The following RRP7A variants were observed in gnomAD, a reference collection of about 807,000 sequenced individuals.
RRP7A encodes the protein ribosomal RNA processing 7 homolog A.
A neutral mutation model predicts 38.4 loss-of-function variants in RRP7A; 27 were observed. The ratio of observed to expected loss-of-function variants is 0.70; its 90% CI spans 0.52 to 0.97. The LOEUF is 0.97. Ranked by LOEUF, RRP7A falls within the 50% of genes least tolerant of loss-of-function variation. The pLI is 0.00. For missense variants in RRP7A, 327 were observed against 375.4 expected, an observed-to-expected ratio of 0.87 and a Z score of 1.07; for synonymous variants, 124 against 150.3, an observed-to-expected ratio of 0.83 and a Z score of 1.28.
At chr22:42,515,690 A>G (rs1330005942) in intron 3 of RRP7A, among the ~76,000 whole-genome samples, 2 of 152,074 alleles carry the variant, frequency 1.3e-5, no homozygotes, top group African/African-American at 4.8e-5. Context: ...GCTCCTGGAG[A>G]CCCGGCCCCC....
chr22:42,517,289 TTAAATAAA>T (rs3046334), intron 2 of RRP7A, among the ~76,000 whole-genome samples: 4 of 131,654 alleles, frequency 3.0e-5, no homozygotes, highest in African/African-American at 8.6e-5. Context: ...AATAAATAAA[TTAAATAAA>T]TAAATAAATA....
At chr22:42,514,035 A>G (rs904412775) in intron 6 of RRP7A, 71 bp downstream of exon 6, 7 of 1,398,394 alleles carry the variant, frequency 5.0e-6, no homozygotes, top group Admixed American at 3.9e-5. Flanking sequence ...CCTCAGGAGC[A>G]CTGGCCACAG....
In RRP7A at chr22:42,512,988, C is replaced by T. The variant is rs750075831; in HGVS notation, c.765G>A (p.Ala255=). 18 of 1,612,460 alleles carry T rather than the reference C, an allele frequency of 1.1e-5. 1 individual carries two copies. Among genetic ancestry groups the T allele is most frequent in the Middle Eastern group, 1.7e-4 (1 of 6,002 alleles). ...CCTCCTCGAACTTCTTGCGCAGCTG[C>T]GCTAGATCTGGGGGTGAGAGGAGGC... ...QHRESKMEHL[A]QLRKKFEEDK... is the part of the protein sequence containing the mutation. Residue 255 remains alanine, a synonymous_variant, in exon 7 of 7, where the codon GCG becomes GCA. Transcript: ENST00000323013.
rs183864144 is a variant in RRP7A, at chr22:42,510,435, G to A, written c.*2475C>T. 2.0e-3 allele frequency: 554 copies of A among 282,000 alleles called. 8 individuals carry two copies. Among genetic ancestry groups the A allele is most frequent in the African/African-American group, 0.012 (526 of 44,990 alleles). The allele number at this position is 282,000 out of a possible 1,614,324, so 17.5% of individuals were successfully genotyped here. A position where few individuals can be genotyped will look rare whatever the true frequency, so the allele number is the denominator to read the frequency against. The stretch of plus-strand genomic sequence containing the variant: ...TGCCTTCAGCACTTGCTTGCGCCTG[G>A]CTTGTGCCAGCTGAGCGTGAGCTGA... On this transcript the variant is annotated 3_prime_UTR_variant, in exon 7 of 7. Transcript: ENST00000323013.
In RRP7A at chr22:42,509,049, G is replaced by A. The variant is rs56365446; in HGVS notation, c.*3861C>T. On this transcript the variant is annotated 3_prime_UTR_variant, in exon 7 of 7. Transcript: ENST00000323013. ...GCAGGCAGAGAACAGCATTGACTTC[G>A]TCAGCAGGGAGCTGTGTGCGCATTC... 0.093 allele frequency: 138,654 copies of A among 1,492,716 alleles called. 12,316 individuals carry two copies. Among genetic ancestry groups the A allele is most frequent in the Admixed American group, 0.21 (11,963 of 57,064 alleles). The allele number at this position is 1,492,716 out of a possible 1,614,324, so 92.5% of individuals were successfully genotyped here.
Position 42,509,176 on chromosome 22 carries a change from G to T in RRP7A, c.*3734C>A. 6.2e-7 allele frequency: 1 copy of T among 1,606,926 alleles called. No individual in the cohort carries two copies. The highest frequency in any genetic ancestry group is 1.1e-5 in the South Asian group (1 of 90,538). The stretch of plus-strand genomic sequence containing the variant: ...ACATGGGCGCCAGGAATCTCTGGGA[G>T]GGGGCCCTGGCATGAGGCTCCAAGT... On this transcript the variant is annotated 3_prime_UTR_variant, in exon 7 of 7. Transcript: ENST00000323013.
rs745482485 is a variant in RRP7A at position 42,516,190 on chromosome 22, C to T, written c.217-54G>A. The T allele has an allele frequency of 8.7e-6, 14 of 1,603,568 alleles. No individual in the cohort carries two copies. The East Asian group carries it at 1.4e-4, about 15-fold the overall frequency. ...GAGCATCCGCAGGGCCATCCCAAAG[C>T]CTCCCTGCACCATGGGTGGCGCTGC... On this transcript the variant is annotated intron_variant, in intron 2 of 6. Transcript: ENST00000323013.
At chr22:42,516,377 C>T (rs767601518) in intron 2 of RRP7A, 45 of 553,658 alleles carry the variant, frequency 8.1e-5, no homozygotes, top group Middle Eastern at 8.0e-4. Context: ...GTAGCCCAGG[C>T]TGGAGTCCTG....
At chr22:42,519,678 T>C in intron 1 of RRP7A, 36 bp downstream of exon 1, 1 of 1,434,248 alleles carries the variant, frequency 7.0e-7, no homozygotes. Flanking sequence ...CGGCGATGCC[T>C]GACCGCCCCC....
At chr22:42,515,349 T>C in intron 3 of RRP7A, 81 bp from the exon 4 acceptor site, 1 of 732,694 alleles carries the variant, frequency 1.4e-6, no homozygotes, top group Non-Finnish European at 2.4e-6. Flanking sequence ...TCAGCCTAGG[T>C]GGTAGCTACA....
intron 2 of RRP7A, chr22:42,516,466 C>A: frequency 2.6e-6 from 1 of 391,638 alleles, no homozygotes; most frequent in Non-Finnish European, 5.0e-6. Flanking sequence ...CCCACCACCA[C>A]CACACGTGGC....
chr22:42,512,644 G>A lies in RRP7A; in HGVS notation c.*266C>T, dbSNP rs1432322686. On this transcript the variant is annotated 3_prime_UTR_variant, in exon 7 of 7. Transcript: ENST00000323013. ...ACAGAACGGATTCATCCAGGGTCCT[G>A]GAGAGGAGGGTGTGGAGGCAAGAAG... is the stretch of plus-strand genomic sequence containing the variant. 4 of 587,744 alleles carry A rather than the reference G, an allele frequency of 6.8e-6. No homozygotes were observed. Among genetic ancestry groups the A allele is most frequent in the South Asian group, 4.0e-5 (2 of 50,532 alleles). The allele number at this position is 587,744 out of a possible 1,614,324, so 36.4% of individuals were successfully genotyped here. A position where few individuals can be genotyped will look rare whatever the true frequency, so the allele number is the denominator to read the frequency against.
In RRP7A at chr22:42,512,577, T is replaced by G. The variant is rs535840094; in HGVS notation, c.*333A>C. 5 of 540,544 alleles carry G rather than the reference T, an allele frequency of 9.2e-6. No individual in the cohort carries two copies. The South Asian group carries it at 1.1e-4, about 12-fold the overall frequency. The allele number at this position is 540,544 out of a possible 1,614,324, so 33.5% of individuals were successfully genotyped here. ...GTATTCTCACTGCTTTTGAGGCTTT[T>G]TCGTTGCCAGCAAGGGCTTTTGCAT... On this transcript the variant is annotated 3_prime_UTR_variant, in exon 7 of 7. Coordinates refer to ENST00000323013, the MANE Select transcript of RRP7A (RefSeq NM_015703.5).
In RRP7A at chr22:42,512,689, T is replaced by TC. The variant is rs1489729031; in HGVS notation, c.*220dup. 1.6e-6 allele frequency: 1 copy of TC among 609,348 alleles called. No homozygotes were observed. The highest frequency in any genetic ancestry group is 1.8e-5 in the African/African-American group (1 of 54,404). 37.7% of individuals were successfully genotyped at this position (609,348 alleles called of 1,614,324 possible). A position where few individuals can be genotyped will look rare whatever the true frequency, so the allele number is the denominator to read the frequency against. On this transcript the variant is annotated 3_prime_UTR_variant, in exon 7 of 7. Coordinates refer to ENST00000323013, the MANE Select transcript of RRP7A (RefSeq NM_015703.5). ...AAGAAGCAGGAAGGACAAGTCCTCC[T>TC]CTCGGCACGCCTGGGTCCCCAGGAC...
Position 42,512,738 on chromosome 22 carries a change from G to A in RRP7A, c.*172C>T. 1.4e-6 allele frequency: 1 copy of A among 695,396 alleles called. No homozygotes were observed. The highest frequency in any genetic ancestry group is 2.7e-5 in the East Asian group (1 of 36,706). The allele number at this position is 695,396 out of a possible 1,614,324, so 43.1% of individuals were successfully genotyped here. A position where few individuals can be genotyped will look rare whatever the true frequency, so the allele number is the denominator to read the frequency against. On this transcript the variant is annotated 3_prime_UTR_variant, in exon 7 of 7. Coordinates refer to ENST00000323013, the MANE Select transcript of RRP7A (RefSeq NM_015703.5). ...ACTGCTGAAGCACAAGACCCGAGGG[G>A]TGGCCTGGTCCTTCCCTCCTGGCCT...
In RRP7A at chr22:42,511,741, C is replaced by T. The variant is rs142093321; in HGVS notation, c.*1169G>A. 2.5e-3 allele frequency: 475 copies of T among 191,150 alleles called. No homozygotes were observed. Among genetic ancestry groups the T allele is most frequent in the African/African-American group, 0.011 (455 of 42,526 alleles). 11.8% of individuals were successfully genotyped at this position (191,150 alleles called of 1,614,324 possible). A position where few individuals can be genotyped will look rare whatever the true frequency, so the allele number is the denominator to read the frequency against. On this transcript the variant is annotated 3_prime_UTR_variant, in exon 7 of 7. Transcript: ENST00000323013. ...AGGTCAGAGCCAAGGCAGGCAGGGC[C>T]TTCCTGTCTGGCTTCTTGAAGGCAG...
rs1920936161 is a variant in RRP7A at position 42,518,122 on chromosome 22, C to G, written c.99G>C (p.Lys33Asn). The change falls in exon 2 of 7, where the codon AAG (lysine) becomes AAC (asparagine). Residue 33 changes from lysine (K) to asparagine (N), a missense_variant. Coordinates refer to ENST00000323013, the MANE Select transcript of RRP7A (RefSeq NM_015703.5). The part of the protein sequence containing the change: ...YAAIPIKFSE[K>N]QQASHYLYVR... ...CATAGAGGTAGTGAGAAGCCTGTTG[C>G]TTTTCAGAGAACTTGATTGGAATAG... is the stretch of plus-strand genomic sequence containing the variant. 1 of 1,613,522 alleles carries G rather than the reference C, an allele frequency of 6.2e-7. No individual in the cohort carries two copies. The highest frequency in any genetic ancestry group is 8.5e-7 in the Non-Finnish European group (1 of 1,179,802).
chr22:42,508,629 GCAGGGGA>G lies in RRP7A; in HGVS notation c.*4274_*4280del, dbSNP rs1932345499. ...CTGGCAAGAAGCCTGTCCCAGGCTG[GCAGGGGA>G]CAGCGTGAGGTGCAGCCTATGGACT... On this transcript the variant is annotated 3_prime_UTR_variant, in exon 7 of 7. Transcript: ENST00000323013. Among the ~76,000 whole-genome samples the G allele has an allele frequency of 6.6e-6, 1 of 152,220 alleles. No homozygotes were observed. Among genetic ancestry groups the G allele is most frequent in the African/African-American group, 2.4e-5 (1 of 41,444 alleles).
rs1932522848 is a variant in RRP7A at position 42,513,174 on chromosome 22, C to A, written c.758-179G>T. On this transcript the variant is annotated intron_variant, in intron 6 of 6. Coordinates refer to ENST00000323013, the MANE Select transcript of RRP7A (RefSeq NM_015703.5). ...GTCTGGATCTTGTCAGGAAACAGAA[C>A]CGACGGCAGGCCGAGTCCAAGGGCA... Among the ~76,000 whole-genome samples, 2 of 146,032 alleles carry A rather than the reference C, an allele frequency of 1.4e-5. 1 individual carries two copies. The highest frequency in any genetic ancestry group is 3.0e-5 in the Non-Finnish European group (2 of 65,644).
Sources: gnomAD v4.1 joint callset for allele counts (sites outside exome capture counted in the v4.1 genomes callset) on GRCh38, gnomAD v4.1.1 for gene constraint, MANE v1.5 for transcripts, NCBI Gene and HGNC (gene_info 2026-07-23, HGNC 2026-07-21) for gene names.